SPOP: variants seen among roughly 807,000 people sequenced by gnomAD.
The protein encoded by SPOP is speckle type BTB/POZ protein.
Under a neutral mutation model 45.6 loss-of-function variants are expected in SPOP, and 11 were observed. The ratio of observed to expected loss-of-function variants is 0.24; its 90% CI spans 0.15 to 0.40. SPOP has a LOEUF of 0.40. SPOP is among the 10% of genes least tolerant of loss of function. The pLI, the probability that SPOP is intolerant of heterozygous loss-of-function variation, is 1.00. For missense variants in SPOP, 152 were observed against 465.6 expected (o/e 0.33, Z 6.20); for synonymous variants, 166 against 166.3 (o/e 1.00, Z 0.01).
chr17:49,647,467 A>AT (rs1414760262), intron 1 of SPOP, among the ~76,000 whole-genome samples: 2 of 149,432 alleles, frequency 1.3e-5, no homozygotes, highest in Non-Finnish European at 3.0e-5. Context: ...AATTATTTTT[A>AT]TTTTTTTTAA....
In SPOP at chr17:49,618,120, G is replaced by C. The variant is rs118012013; in HGVS notation, c.480+861C>G. Among the ~76,000 whole-genome samples, 62 of 152,150 alleles carry C rather than the reference G, an allele frequency of 4.1e-4. No individual in the cohort carries two copies. The East Asian group carries it at 0.011, about 27-fold the overall frequency. Reference sequence around the variant, plus strand: ...GCGAGTTGGCAATTGGGGAACAACTGTACCATCCCCCATGATGATACACTG... The same window carrying C: ...GCGAGTTGGCAATTGGGGAACAACTCTACCATCCCCCATGATGATACACTG... On this transcript the variant is annotated intron_variant, in intron 5 of 9. Transcript: ENST00000504102.
chr17:49,602,034 C>A, intron 8 of SPOP, 27 bp from the exon 9 acceptor site: 1 of 1,612,684 alleles, frequency 6.2e-7, no homozygotes, highest in African/African-American at 1.3e-5. Flanking sequence ...CTGCTGTCAT[C>A]AGAGCAGCAA....
chr17:49,649,365 C>T (rs2072808407), intron 1 of SPOP, among the ~76,000 whole-genome samples: 1 of 151,646 alleles, frequency 6.6e-6, no homozygotes, highest in African/African-American at 2.4e-5. Context: ...GGTGAAACCC[C>T]GTCTCTACTA....
chr17:49,675,631 G>A (rs759166803), intron 1 of SPOP, among the ~76,000 whole-genome samples: 7 of 152,126 alleles, frequency 4.6e-5, no homozygotes, highest in Non-Finnish European at 7.4e-5. Flanking sequence ...GCACCAGTAC[G>A]AATTATTTAA....
At chr17:49,621,649 G>A (rs2072223280) in intron 3 of SPOP, among the ~76,000 whole-genome samples, 1 of 152,192 alleles carries the variant, frequency 6.6e-6, no homozygotes, top group Admixed American at 6.5e-5. Context: ...AGTTTGCCAA[G>A]CAGTCACCAG....
chr17:49,629,256 A>G (rs2143355604), intron 1 of SPOP, among the ~76,000 whole-genome samples: 1 of 152,230 alleles, frequency 6.6e-6, no homozygotes, highest in South Asian at 2.1e-4. Flanking sequence ...AAAAATAAAA[A>G]ATACTCTGAT....
At chr17:49,657,252 C>T (rs1012353330) in intron 1 of SPOP, among the ~76,000 whole-genome samples, 2 of 151,402 alleles carry the variant, frequency 1.3e-5, no homozygotes, top group African/African-American at 4.9e-5. Flanking sequence ...TCCTTTAATG[C>T]TGTTTACATA....
intron 1 of SPOP, among the ~76,000 whole-genome samples, chr17:49,631,625 T>C (rs1310015893): frequency 6.6e-6 from 1 of 152,168 alleles, no homozygotes; most frequent in African/African-American, 2.4e-5. Context: ...GCTATCTGAG[T>C]AAAATCAACC....
chr17:49,661,659 C>A (rs2072989121), intron 1 of SPOP, among the ~76,000 whole-genome samples: 1 of 152,192 alleles, frequency 6.6e-6, no homozygotes, highest in Non-Finnish European at 1.5e-5. Context: ...TATAGTCACT[C>A]AGCAGGTATT....
chr17:49,599,382 G>A lies in SPOP; in HGVS notation c.*996C>T, dbSNP rs1405116339. On this transcript the variant is annotated 3_prime_UTR_variant, in exon 10 of 10. Coordinates refer to ENST00000504102, the MANE Select transcript of SPOP (RefSeq NM_001007228.2). Reference sequence around the variant, plus strand: ...GGGCTAGTCAGAAGGAACAGAACTGGCTCCTATGCAGGCGGCAAGTCAGGT... The same window carrying A: ...GGGCTAGTCAGAAGGAACAGAACTGACTCCTATGCAGGCGGCAAGTCAGGT... 8.9e-6 allele frequency: 2 copies of A among 225,780 alleles called. No homozygotes were observed. Among genetic ancestry groups the A allele is most frequent in the African/African-American group, 4.5e-5 (2 of 44,910 alleles). 14.0% of individuals were successfully genotyped at this position (225,780 alleles called of 1,614,324 possible).
intron 1 of SPOP, among the ~76,000 whole-genome samples, chr17:49,670,322 C>T (rs1391686692): frequency 6.6e-6 from 1 of 152,186 alleles, no homozygotes; most frequent in Non-Finnish European, 1.5e-5. Context: ...AATAGCCTTT[C>T]GGAGAGATTC....
chr17:49,612,798 C>A (rs562183845), intron 5 of SPOP: 1 of 152,336 alleles, frequency 6.6e-6, no homozygotes, highest in Admixed American at 6.5e-5. Flanking sequence ...TAGCTCCCCA[C>A]TCTTGCTGTT....
At chr17:49,665,722 T>G (rs112591664) in intron 1 of SPOP, among the ~76,000 whole-genome samples, 4,248 of 139,056 alleles carry the variant, frequency 0.031, 207 homozygotes, top group African/African-American at 0.1. Context: ...GATGGCTCAT[T>G]CCTGTAATCT....
At chr17:49,651,302 AAC>A (rs1221256628) in intron 1 of SPOP, among the ~76,000 whole-genome samples, 1 of 152,158 alleles carries the variant, frequency 6.6e-6, no homozygotes, top group Non-Finnish European at 1.5e-5. Context: ...AAAACCAGAA[AAC>A]ACACACAAAA....
At chr17:49,606,495 CTTTTTTTTTTTT>C (rs71146920) in intron 8 of SPOP, among the ~76,000 whole-genome samples, 11 of 69,324 alleles carry the variant, frequency 1.6e-4, no homozygotes, top group Admixed American at 5.0e-4. Context: ...TTTCTTTTTT[CTTTTTTTTTTTT>C]TTTTTTTTGG....
chr17:49,649,254 T>C (rs2143481006), intron 1 of SPOP, among the ~76,000 whole-genome samples: 1 of 151,918 alleles, frequency 6.6e-6, no homozygotes, highest in East Asian at 2.0e-4. Context: ...AAGTAAACTA[T>C]GGGCCGGGAG....
chr17:49,613,007 T>A (rs1039588556), intron 5 of SPOP: 1 of 152,220 alleles, frequency 6.6e-6, no homozygotes, highest in Non-Finnish European at 1.5e-5. Flanking sequence ...AACTAGCTGT[T>A]ATGGTCTTGG....
intron 1 of SPOP, among the ~76,000 whole-genome samples, chr17:49,675,224 A>T (rs1427558755): frequency 6.6e-6 from 1 of 152,258 alleles, no homozygotes; most frequent in African/African-American, 2.4e-5. Context: ...GAAACAACCT[A>T]AATGTCCAAT....
At chr17:49,606,508 T>C (rs2071852368) in intron 8 of SPOP, among the ~76,000 whole-genome samples, 1 of 143,886 alleles carries the variant, frequency 6.9e-6, no homozygotes, top group African/African-American at 2.6e-5. Context: ...TTTTTTTTTT[T>C]TTTTTTTGGA....
Sources: gnomAD v4.1 joint callset for allele counts (sites outside exome capture counted in the v4.1 genomes callset) on GRCh38, gnomAD v4.1.1 for gene constraint, MANE v1.5 for transcripts, NCBI Gene and HGNC (gene_info 2026-07-23, HGNC 2026-07-21) for gene names.